Variants in ANKMY1 observed in about 807,000 individuals in gnomAD.
ANKMY1 encodes the protein ankyrin repeat and MYND domain containing 1.
In ANKMY1, 98 loss-of-function variants were observed where a neutral mutation model predicts 102.0. The ratio of observed to expected loss-of-function variants is 0.96; its 90% CI spans 0.82 to 1.14. The LOEUF (loss-of-function observed/expected upper bound fraction) is 1.14. ANKMY1 is among the 50% of genes most tolerant of loss of function. ANKMY1 has a pLI of 0.00. For synonymous variants in ANKMY1, 582 were observed against 559.9 expected, an observed-to-expected ratio of 1.04 and a Z score of -0.56; for missense variants, 1,330 against 1,347.6, an observed-to-expected ratio of 0.99 and a Z score of 0.20.
At chr2:240,479,681 G>A in intron 17 of ANKMY1, 26 bp from the exon 18 acceptor site, 4 of 1,609,096 alleles carry the variant, frequency 2.5e-6, no homozygotes, top group South Asian at 1.1e-5. Flanking sequence ...GTGTGGGGGA[G>A]GGGGAAGAGG....
rs775494545 is a variant in ANKMY1 at position 240,529,199 on chromosome 2, G to C, written c.791C>G (p.Thr264Ser). The change falls in exon 5 of 18, where the codon ACC becomes AGC. Residue 264 changes from threonine to serine, a missense_variant. Transcript: ENST00000401804. The surrounding 1 kb of genome is among the most constrained non-coding windows in gnomAD (Gnocchi z 4.2). ...TLPPEMYVYSTNSDHLPMTSS... is the reference protein window; with the variant it reads ...TLPPEMYVYSSNSDHLPMTSS... ...TGTCATGGGCAGGTGGTCACTGTTG[G>C]TCGAGTAGACATACATTTCTGGAGG... 1.2e-6 allele frequency: 2 copies of C among 1,614,106 alleles called. No homozygotes were observed. The highest frequency in any genetic ancestry group is 2.7e-5 in the African/African-American group (2 of 74,938).
chr2:240,503,561 T>G (rs2078577588), intron 13 of ANKMY1, among the ~76,000 whole-genome samples: 1 of 152,136 alleles, frequency 6.6e-6, no homozygotes, highest in African/African-American at 2.4e-5. Flanking sequence ...TGGGACAATC[T>G]TTAGAAAGTT....
intron 13 of ANKMY1, among the ~76,000 whole-genome samples, chr2:240,502,739 A>G (rs2078408530): frequency 6.6e-6 from 1 of 151,392 alleles, no homozygotes; most frequent in Admixed American, 6.6e-5. Flanking sequence ...GCTCTCCTCC[A>G]GACCCTCCCC....
At chr2:240,557,560 C>T (rs921015508) in intron 1 of ANKMY1, among the ~76,000 whole-genome samples, 4 of 152,210 alleles carry the variant, frequency 2.6e-5, no homozygotes, top group African/African-American at 9.6e-5. Flanking sequence ...GGGTAAACTT[C>T]ACCCGCGTCC....
In ANKMY1 at chr2:240,507,632, C is replaced by A; in HGVS notation, c.2454G>T (p.Leu818Phe). 1 of 1,612,120 alleles carries A rather than the reference C, an allele frequency of 6.2e-7. No individual in the cohort carries two copies. Among genetic ancestry groups the A allele is most frequent in the East Asian group, 2.2e-5 (1 of 44,846 alleles). The change falls in exon 13 of 18, where the codon TTG becomes TTT. Residue 818 changes from leucine (L) to phenylalanine (F), a missense_variant. Physicochemically the swap from Leu to Phe is conservative, Grantham distance 22. Transcript: ENST00000401804. The part of the protein sequence containing the change: ...ADPNLPLTKG[L>F]GSALCVACDL... ...CACAGGCAACACACAGGGCACTGCC[C>A]AAGCCTTTGGTCAGGGGCAGGTTGG...
Position 240,509,416 on chromosome 2 carries a change from C to T in ANKMY1, c.2326G>A (p.Ala776Thr). ...CCACTCCACAGCAGGTTAGGATTTGCTCCGTGGGATAGAAGGAGCCGGACT... is the reference window on the plus strand; with the variant it reads ...CCACTCCACAGCAGGTTAGGATTTGTTCCGTGGGATAGAAGGAGCCGGACT... ...DIVRLLLSHG[A>T]NPNLLWSGHS... Residue 776 changes from alanine to threonine, a missense_variant, in exon 12 of 18, where the codon GCA becomes ACA. Ala to Thr is a moderately conservative substitution (Grantham distance 58, BLOSUM62 0). Coordinates refer to ENST00000401804, the MANE Select transcript of ANKMY1 (RefSeq NM_001282771.3). 1 of 1,613,750 alleles carries T rather than the reference C, an allele frequency of 6.2e-7. No individual in the cohort carries two copies. Among genetic ancestry groups the T allele is most frequent in the Non-Finnish European group, 8.5e-7 (1 of 1,179,852 alleles).
At chr2:240,480,502 G>A (rs925920041) in intron 17 of ANKMY1, among the ~76,000 whole-genome samples, 5 of 152,226 alleles carry the variant, frequency 3.3e-5, no homozygotes, top group African/African-American at 9.6e-5. Flanking sequence ...CATCTGAGAC[G>A]GCAGGCTGGG....
chr2:240,534,712 A>T (rs999838964), intron 4 of ANKMY1, among the ~76,000 whole-genome samples: 12 of 152,238 alleles, frequency 7.9e-5, no homozygotes, highest in Non-Finnish European at 1.5e-4. Context: ...GCAAAATTTG[A>T]CAGAATTATA....
intron 13 of ANKMY1, among the ~76,000 whole-genome samples, chr2:240,505,546 A>C (rs1165204013): frequency 2.6e-5 from 4 of 152,094 alleles, no homozygotes; most frequent in Non-Finnish European, 5.9e-5. Context: ...AAGAACTGAA[A>C]GCAGGCTCTT....
intron 9 of ANKMY1, among the ~76,000 whole-genome samples, chr2:240,515,826 T>A (rs1213862926): frequency 6.6e-6 from 1 of 151,698 alleles, no homozygotes; most frequent in African/African-American, 2.4e-5. Flanking sequence ...CACACCATTC[T>A]CCTGCCTCAG....
intron 4 of ANKMY1, among the ~76,000 whole-genome samples, chr2:240,543,165 C>T (rs1014918723): frequency 2.0e-5 from 3 of 151,424 alleles, no homozygotes; most frequent in Non-Finnish European, 1.5e-5. Context: ...CTGGCTAACA[C>T]GGTGAAACCC....
intron 13 of ANKMY1, among the ~76,000 whole-genome samples, chr2:240,507,127 A>G (rs1298878062): frequency 6.6e-6 from 1 of 151,900 alleles, no homozygotes; most frequent in Admixed American, 6.6e-5. Flanking sequence ...TGGATTTGCC[A>G]CTTCATATTT....
At chr2:240,537,939 G>C (rs1187082475) in intron 4 of ANKMY1, among the ~76,000 whole-genome samples, 1 of 152,196 alleles carries the variant, frequency 6.6e-6, no homozygotes, top group Non-Finnish European at 1.5e-5. Flanking sequence ...TCTCTTTTCT[G>C]TATTTCACCT....
At chr2:240,538,668 G>A (rs1452826194) in intron 4 of ANKMY1, among the ~76,000 whole-genome samples, 1 of 152,136 alleles carries the variant, frequency 6.6e-6, no homozygotes, top group Non-Finnish European at 1.5e-5. Context: ...GTGCAGTGAG[G>A]CACTGACGGG....
chr2:240,478,731 A>T (rs1017058118), downstream of ANKMY1, among the ~76,000 whole-genome samples: 24 of 10,144 alleles, frequency 2.4e-3, no homozygotes, highest in African/African-American at 0.012. Context: ...GAAAGTCAGT[A>T]AAAAAAAAAA....
chr2:240,523,220 T>G (rs536632096), intron 8 of ANKMY1: 2 of 152,480 alleles, frequency 1.3e-5, no homozygotes, highest in African/African-American at 4.8e-5. Flanking sequence ...AAGGCATTCT[T>G]CAGTGAGACA....
At chr2:240,560,428 G>C (rs2092866872), upstream of ANKMY1, 1 of 378,072 alleles carries the variant, frequency 2.6e-6, no homozygotes, top group Admixed American at 4.9e-5. Flanking sequence ...AACATGGGAC[G>C]CAGAGCGGTC....
intron 16 of ANKMY1, 81 bp downstream of exon 16, chr2:240,482,101 AG>A (rs1267288654): frequency 6.9e-7 from 1 of 1,445,728 alleles, no homozygotes; most frequent in Non-Finnish European, 9.5e-7. Context: ...TCCCGGGATG[AG>A]GTGGTCAGGC....
At chr2:240,552,767 T>A in intron 4 of ANKMY1, 147 bp downstream of exon 4, 1 of 1,270,092 alleles carries the variant, frequency 7.9e-7, no homozygotes, top group Non-Finnish European at 1.1e-6. Flanking sequence ...ATATCCTTAT[T>A]ATTGGTACCA....
Sources: allele counts gnomAD v4.1 joint callset (sites outside exome capture counted in the v4.1 genomes callset), GRCh38; gene constraint gnomAD v4.1.1; non-coding constraint Gnocchi (gnomAD v3.1); transcripts MANE v1.5; gene names NCBI Gene and HGNC (gene_info 2026-07-23, HGNC 2026-07-21).